Variants in CAMSAP1 observed in about 807,000 individuals in gnomAD.
The protein encoded by CAMSAP1 is calmodulin regulated spectrin associated protein 1, also known as calmodulin-regulated spectrin-associated protein 1.
CAMSAP1 carries 58 observed loss-of-function variants against 143.5 expected under a neutral mutation model. The ratio of observed to expected loss-of-function variants is 0.40; its 90% confidence interval spans 0.33 to 0.50. The LOEUF (loss-of-function observed/expected upper bound fraction) is 0.50. CAMSAP1 is among the 20% of genes least tolerant of loss of function. The pLI is 0.45. For synonymous variants in CAMSAP1, 945 were observed against 859.3 expected (o/e 1.10, Z -1.74); for missense variants, 1,969 against 2,115.7 (o/e 0.93, Z 1.36).
chr9:135,828,563 T>C (rs1264819514), intron 7 of CAMSAP1, among the ~76,000 whole-genome samples: 1 of 152,034 alleles, frequency 6.6e-6, no homozygotes, highest in African/African-American at 2.4e-5. Flanking sequence ...AGGCCCTAGA[T>C]GGGAAGGAAA....
intron 3 of CAMSAP1, among the ~76,000 whole-genome samples, chr9:135,881,221 G>C (rs1430661219): frequency 6.6e-6 from 1 of 151,944 alleles, no homozygotes; most frequent in African/African-American, 2.4e-5. Flanking sequence ...GCCAAGCATA[G>C]TAGCACGTGC....
chr9:135,857,933 TCTC>T (rs2130922227), intron 5 of CAMSAP1, among the ~76,000 whole-genome samples: 1 of 152,264 alleles, frequency 6.6e-6, no homozygotes, highest in Admixed American at 6.5e-5. Context: ...CTGGCTCAGT[TCTC>T]CTCAAGAGTG....
chr9:135,877,652 AT>A (rs1229296633), intron 3 of CAMSAP1, among the ~76,000 whole-genome samples: 5 of 152,058 alleles, frequency 3.3e-5, no homozygotes, highest in Admixed American at 2.0e-4. Context: ...ATTAAAAAAA[AT>A]TTTTTTTAAT....
At position 135,821,013 on chromosome 9, in the gene CAMSAP1, C is replaced by T. The variant is rs138727392; in HGVS notation, c.3648G>A (p.Ser1216=). Residue 1216 remains serine, a synonymous_variant, in exon 11 of 17, where the codon TCG becomes TCA. Coordinates refer to ENST00000389532, the MANE Select transcript of CAMSAP1 (RefSeq NM_015447.4). The surrounding 1 kb of genome is among the most constrained non-coding windows in gnomAD (Gnocchi z 4.6). ...KEVGSSSSDV[S]GKESVPVEEP... ...CCTCCACGGGGACGCTCTCTTTTCCCGAGACATCTGAGGAGCTGGACCCCA... is the reference window on the plus strand; with the variant it reads ...CCTCCACGGGGACGCTCTCTTTTCCTGAGACATCTGAGGAGCTGGACCCCA... 12 of 1,612,966 alleles carry T rather than the reference C, an allele frequency of 7.4e-6. No homozygotes were observed. The highest frequency in any genetic ancestry group is 1.1e-5 in the South Asian group (1 of 91,024).
chr9:135,816,678 A>C (rs1588439019), intron 14 of CAMSAP1, among the ~76,000 whole-genome samples: 2 of 152,174 alleles, frequency 1.3e-5, no homozygotes, highest in East Asian at 3.9e-4. Flanking sequence ...GCCCAGAGAC[A>C]ACAAGGAGCC....
chr9:135,864,041 G>T (rs1050399358), intron 4 of CAMSAP1, among the ~76,000 whole-genome samples: 2 of 152,202 alleles, frequency 1.3e-5, no homozygotes, highest in African/African-American at 4.8e-5. Context: ...GTTGAGGTTA[G>T]ACCTCTAAAT....
intron 5 of CAMSAP1, among the ~76,000 whole-genome samples, chr9:135,855,154 G>C (rs1836910709): frequency 6.6e-6 from 1 of 151,982 alleles, no homozygotes; most frequent in African/African-American, 2.4e-5. Context: ...ACCACCCCCG[G>C]CCAATTTTTG....
At chr9:135,888,707 T>C (rs1483926607) in intron 1 of CAMSAP1, among the ~76,000 whole-genome samples, 8 of 152,318 alleles carry the variant, frequency 5.3e-5, no homozygotes, top group Middle Eastern at 3.4e-3. Context: ...ATACTCTTCC[T>C]GTTTGGATAT....
intron 4 of CAMSAP1, among the ~76,000 whole-genome samples, chr9:135,863,497 A>T (rs1368722984): frequency 6.6e-6 from 1 of 152,228 alleles, no homozygotes; most frequent in African/African-American, 2.4e-5. Context: ...AAACTAGAGG[A>T]AGAAAACCAG....
At position 135,842,596 on chromosome 9, in the gene CAMSAP1, G is replaced by A. The variant is rs970367179; in HGVS notation, c.1045+7541C>T. ...ATGTTAAGTGCAGCCAGAGAGAAAG[G>A]TCAGGTTACCCACAAAGGGAAGCCC... On this transcript the variant is annotated intron_variant, in intron 7 of 16. Coordinates refer to ENST00000389532, the MANE Select transcript of CAMSAP1 (RefSeq NM_015447.4). 4.6e-5 allele frequency among the ~76,000 whole-genome samples: 7 copies of A among 152,146 alleles called. No homozygotes were observed. The East Asian group carries it at 1.2e-3, about 25-fold the overall frequency.
At chr9:135,891,294 G>A (rs1292414336) in intron 1 of CAMSAP1, among the ~76,000 whole-genome samples, 1 of 152,214 alleles carries the variant, frequency 6.6e-6, no homozygotes, top group Non-Finnish European at 1.5e-5. Flanking sequence ...AAGGAAGGAG[G>A]AAAGCCCATC....
intron 4 of CAMSAP1, chr9:135,865,388 A>G (rs1837338813): frequency 2.6e-6 from 4 of 1,550,448 alleles, no homozygotes; most frequent in Non-Finnish European, 3.5e-6. Flanking sequence ...GAGAGAAGGA[A>G]GGCAGGAGAG....
chr9:135,894,403 G>A (rs571817477), intron 1 of CAMSAP1, among the ~76,000 whole-genome samples: 31 of 152,316 alleles, frequency 2.0e-4, no homozygotes, highest in South Asian at 1.7e-3. Flanking sequence ...CGCACCTGAC[G>A]GTGATGCTGA....
chr9:135,832,386 T>C (rs1182570317), intron 7 of CAMSAP1, among the ~76,000 whole-genome samples: 1 of 152,096 alleles, frequency 6.6e-6, no homozygotes, highest in East Asian at 1.9e-4. Context: ...AAAACAACTC[T>C]ACACAGAACA....
rs1260376828 is a variant in CAMSAP1, at chr9:135,818,887, G to A, written c.3959+123C>T. 3 of 1,421,952 alleles carry A rather than the reference G, an allele frequency of 2.1e-6. No homozygotes were observed. The highest frequency in any genetic ancestry group is 2.8e-5 in the African/African-American group (2 of 70,678). The allele number at this position is 1,421,952 out of a possible 1,614,324, so 88.1% of individuals were successfully genotyped here. A position where few individuals can be genotyped will look rare whatever the true frequency, so the allele number is the denominator to read the frequency against. On this transcript the variant is annotated intron_variant, in intron 12 of 16. Coordinates refer to ENST00000389532, the MANE Select transcript of CAMSAP1 (RefSeq NM_015447.4). This position sits in a 1 kb window ranked among gnomAD's most constrained non-coding sequence, Gnocchi z 7.7. ...AGTTCGGGGAGGTGGTCCATGGGAG[G>A]AGTAAGACCGTCACAGGCACTCATT...
chr9:135,894,515 G>A (rs575674217), intron 1 of CAMSAP1, among the ~76,000 whole-genome samples: 3 of 152,314 alleles, frequency 2.0e-5, no homozygotes, highest in African/African-American at 4.8e-5. Context: ...GAGGCAGCAC[G>A]CTGCCCAGCC....
At chr9:135,873,391 A>T (rs1167196146) in intron 3 of CAMSAP1, among the ~76,000 whole-genome samples, 1 of 152,212 alleles carries the variant, frequency 6.6e-6, no homozygotes, top group East Asian at 1.9e-4. Context: ...TTCAATAACT[A>T]ACTCCCCCCT....
At chr9:135,870,156 C>A (rs1837521921) in intron 3 of CAMSAP1, among the ~76,000 whole-genome samples, 1 of 152,194 alleles carries the variant, frequency 6.6e-6, no homozygotes, top group Non-Finnish European at 1.5e-5. Flanking sequence ...TTATCTCAAA[C>A]TCTAATCCCC....
At chr9:135,834,909 C>T (rs997352736) in intron 7 of CAMSAP1, among the ~76,000 whole-genome samples, 1 of 152,150 alleles carries the variant, frequency 6.6e-6, no homozygotes, top group South Asian at 2.1e-4. Flanking sequence ...CCCCCATCTT[C>T]CCTCGCGGTC....
Sources: gnomAD v4.1 joint callset for allele counts (sites outside exome capture counted in the v4.1 genomes callset) on GRCh38, gnomAD v4.1.1 for gene constraint, Gnocchi (gnomAD v3.1) non-coding constraint, MANE v1.5 for transcripts, NCBI Gene and HGNC (gene_info 2026-07-23, HGNC 2026-07-21) for gene names.